MAP3K20: variants seen among roughly 807,000 people sequenced by gnomAD.
MAP3K20 encodes mitogen-activated protein kinase kinase kinase 20.
MAP3K20 carries 40 observed loss-of-function variants against 85.7 expected under a neutral mutation model. The observed-to-expected ratio is 0.47, with a 90% CI of 0.36 to 0.61. MAP3K20 has a LOEUF of 0.61. Ranked by LOEUF, MAP3K20 falls within the 20% of genes least tolerant of loss-of-function variation. The probability of loss-of-function intolerance (pLI) is 0.00; values close to 1 mark genes in which losing one functional copy is unlikely to be tolerated. For synonymous variants in MAP3K20, 325 were observed against 327.7 expected (o/e 0.99, Z 0.09); for missense variants, 817 against 961.7 (o/e 0.85, Z 1.99).
At chr2:173,225,009 T>C in intron 11 of MAP3K20, 1 of 984,024 alleles carries the variant, frequency 1.0e-6, no homozygotes, top group Non-Finnish European at 1.2e-6. Flanking sequence ...AATGTAAACA[T>C]TCAAAATGAT....
At chr2:173,212,797 C>CAAAAAAAAAAA (rs61126157) in intron 10 of MAP3K20, 2 of 101,038 alleles carry the variant, frequency 2.0e-5, no homozygotes, top group East Asian at 2.7e-4. Flanking sequence ...AGATCCTATT[C>CAAAAAAAAAAA]AAAAAAAAAA....
intron 2 of MAP3K20, among the ~76,000 whole-genome samples, chr2:173,160,828 T>C (rs1039699748): frequency 3.3e-5 from 5 of 152,222 alleles, no homozygotes; most frequent in African/African-American, 9.7e-5. Flanking sequence ...TTTATGATAC[T>C]GGCCCTGGCC....
chr2:173,140,165 C>G (rs1303607812), intron 2 of MAP3K20, among the ~76,000 whole-genome samples: 1 of 152,056 alleles, frequency 6.6e-6, no homozygotes, highest in Non-Finnish European at 1.5e-5. Context: ...GCGCGTGCCA[C>G]CATGCCTAGC....
At chr2:173,096,459 C>T (rs1687464355) in intron 2 of MAP3K20, among the ~76,000 whole-genome samples, 2 of 152,076 alleles carry the variant, frequency 1.3e-5, no homozygotes, top group Admixed American at 1.3e-4. Flanking sequence ...CCTGCCTCAG[C>T]CTCCTGAGTA....
At chr2:173,168,031 C>T (rs1689886049) in intron 2 of MAP3K20, among the ~76,000 whole-genome samples, 1 of 151,732 alleles carries the variant, frequency 6.6e-6, no homozygotes, top group Non-Finnish European at 1.5e-5. Context: ...TTGTGATTTC[C>T]AAACTGCACA....
intron 3 of MAP3K20, among the ~76,000 whole-genome samples, chr2:173,171,323 T>A (rs569066129): frequency 6.6e-6 from 1 of 152,338 alleles, no homozygotes; most frequent in African/African-American, 2.4e-5. Flanking sequence ...GTTCTGATCC[T>A]CGTTTGTGGC....
At position 173,267,278 on chromosome 2, in the gene MAP3K20, AGTTTTTTGGTTTGAG is replaced by A. The variant is rs1464039169; in HGVS notation, c.*537_*551del. ...AAAATATCATTTAGCTTGATTATCG[AGTTTTTTGGTTTGAG>A]GTTTTTTGTTGCTTCTTTTTTCTTT... On this transcript the variant is annotated 3_prime_UTR_variant, in exon 20 of 20. Transcript: ENST00000375213. 1 of 151,828 alleles carries A rather than the reference AGTTTTTTGGTTTGAG, an allele frequency of 6.6e-6. No homozygotes were observed. The highest frequency in any genetic ancestry group is 1.9e-4 in the East Asian group (1 of 5,172). The allele number at this position is 151,828 out of a possible 1,614,324, so 9.4% of individuals were successfully genotyped here. A position where few individuals can be genotyped will look rare whatever the true frequency, so the allele number is the denominator to read the frequency against.
intron 2 of MAP3K20, among the ~76,000 whole-genome samples, chr2:173,097,775 C>T (rs963169268): frequency 6.6e-6 from 1 of 151,918 alleles, no homozygotes; most frequent in Non-Finnish European, 1.5e-5. Flanking sequence ...CAGGAACTAT[C>T]AATAATTTTT....
chr2:173,158,246 A>G (rs1689540092), intron 2 of MAP3K20, among the ~76,000 whole-genome samples: 1 of 152,222 alleles, frequency 6.6e-6, no homozygotes, highest in Non-Finnish European at 1.5e-5. Context: ...CTAGTATTAT[A>G]GAGTCTGCAA....
At chr2:173,154,288 A>G (rs1054798596) in intron 2 of MAP3K20, among the ~76,000 whole-genome samples, 36 of 152,288 alleles carry the variant, frequency 2.4e-4, no homozygotes, top group Non-Finnish European at 3.2e-4. Context: ...GGTTCAAGCA[A>G]TTCTCTTGCC....
At chr2:173,085,573 A>G (rs1687121377) in intron 1 of MAP3K20, among the ~76,000 whole-genome samples, 1 of 152,120 alleles carries the variant, frequency 6.6e-6, no homozygotes. Context: ...CAACCACCAA[A>G]TTATTGATTT....
chr2:173,235,570 AGG>A lies in MAP3K20; in HGVS notation c.1204-2799_1204-2798del, dbSNP rs759074539. 1.6e-4 allele frequency among the ~76,000 whole-genome samples: 24 copies of A among 152,292 alleles called. 1 individual carries two copies. The highest frequency in any genetic ancestry group is 6.8e-3 in the Middle Eastern group (2 of 294). Reference sequence around the variant, plus strand: ...AAGCAATCAGTGATTGCCAGCTGCTAGGGGGAGGAGGCAAGGGTTCTTGACTG... The same window carrying A: ...AAGCAATCAGTGATTGCCAGCTGCTAGGGAGGAGGCAAGGGTTCTTGACTG... On this transcript the variant is annotated intron_variant, in intron 14 of 19. Coordinates refer to ENST00000375213, the MANE Select transcript of MAP3K20 (RefSeq NM_016653.3).
intron 17 of MAP3K20, among the ~76,000 whole-genome samples, chr2:173,260,068 A>AAC (rs1685252323): frequency 6.6e-6 from 1 of 152,228 alleles, no homozygotes; most frequent in Admixed American, 6.5e-5. Flanking sequence ...CGACAGCAAC[A>AAC]ACAAAAAACT....
At chr2:173,096,648 A>G (rs1047739441) in intron 2 of MAP3K20, among the ~76,000 whole-genome samples, 4 of 152,190 alleles carry the variant, frequency 2.6e-5, no homozygotes, top group African/African-American at 9.6e-5. Context: ...AATCTAGTGA[A>G]TTGAGTTTTG....
chr2:173,178,557 T>G (rs1476060506), intron 3 of MAP3K20, among the ~76,000 whole-genome samples: 8 of 152,098 alleles, frequency 5.3e-5, no homozygotes, highest in Non-Finnish European at 1.2e-4. Context: ...GGCATGAGAA[T>G]TGCTTGAACC....
chr2:173,090,326 T>C (rs1295155552), intron 1 of MAP3K20, among the ~76,000 whole-genome samples: 1 of 152,214 alleles, frequency 6.6e-6, no homozygotes, highest in Non-Finnish European at 1.5e-5. Flanking sequence ...TTTTTTAACG[T>C]CCTTGGCAGT....
At chr2:173,230,115 A>C (rs955120636) in intron 12 of MAP3K20, among the ~76,000 whole-genome samples, 23 of 152,300 alleles carry the variant, frequency 1.5e-4, no homozygotes, top group South Asian at 4.2e-4. Flanking sequence ...TATAGGTGTG[A>C]GCCACTGTGC....
chr2:173,075,683 G>T, upstream of MAP3K20: 2 of 972,318 alleles, frequency 2.1e-6, no homozygotes, highest in Non-Finnish European at 2.4e-6. Context: ...GTGTCTGGGG[G>T]CCTCGGCGGG....
chr2:173,139,279 G>A (rs3769188), intron 2 of MAP3K20, among the ~76,000 whole-genome samples: 3,204 of 152,188 alleles, frequency 0.021, 59 homozygotes, highest in Admixed American at 0.041. Flanking sequence ...CCATATTTCC[G>A]ATGCCTTAAT....
Sources: allele counts gnomAD v4.1 joint callset (sites outside exome capture counted in the v4.1 genomes callset), GRCh38; gene constraint gnomAD v4.1.1; transcripts MANE v1.5; gene names NCBI Gene and HGNC (gene_info 2026-07-23, HGNC 2026-07-21).